The following WNT7A variants were observed in gnomAD, a reference collection of about 807,000 sequenced individuals.
WNT7A encodes the protein Wnt family member 7A, also known as protein Wnt-7a.
A neutral mutation model predicts 28.2 loss-of-function variants in WNT7A; 16 were observed. The ratio of observed to expected loss-of-function variants is 0.57; its 90% CI spans 0.38 to 0.86. The LOEUF (loss-of-function observed/expected upper bound fraction) is 0.86, where lower values mean the gene tolerates loss of function less well. Among genes scored for constraint, WNT7A ranks in the 40% least tolerant of loss-of-function variants. WNT7A has a pLI of 0.00. For missense variants in WNT7A, 411 were observed against 489.7 expected (o/e 0.84, Z 1.52); for synonymous variants, 190 against 195.9 (o/e 0.97, Z 0.25).
At chr3:13,841,504 A>C (rs890176692) in intron 3 of WNT7A, among the ~76,000 whole-genome samples, 2 of 152,230 alleles carry the variant, frequency 1.3e-5, no homozygotes, top group African/African-American at 4.8e-5. Context: ...CATTTGTAAA[A>C]GGGAGACAAT....
chr3:13,874,883 T>G, intron 2 of WNT7A, 64 bp downstream of exon 2: 1 of 1,538,984 alleles, frequency 6.5e-7, no homozygotes, highest in Non-Finnish European at 8.9e-7. Flanking sequence ...AGAGGGCACC[T>G]GAGGGTATTC....
At chr3:13,833,901 C>G (rs564585008) in intron 3 of WNT7A, among the ~76,000 whole-genome samples, 5 of 152,330 alleles carry the variant, frequency 3.3e-5, no homozygotes, top group Admixed American at 1.3e-4. Context: ...AATCCCTTCC[C>G]TGGCCAGGCG....
chr3:13,869,925 C>G (rs555986195), intron 2 of WNT7A, among the ~76,000 whole-genome samples: 1 of 152,128 alleles, frequency 6.6e-6, no homozygotes, highest in East Asian at 1.9e-4. Flanking sequence ...GGCTGCAGGC[C>G]CCTGCTCATT....
intron 2 of WNT7A, among the ~76,000 whole-genome samples, chr3:13,864,989 A>T (rs967728943): frequency 2.6e-5 from 4 of 152,190 alleles, no homozygotes; most frequent in Non-Finnish European, 5.9e-5. Context: ...TTGGGGAAAG[A>T]TATGGAAATT....
intron 3 of WNT7A, among the ~76,000 whole-genome samples, chr3:13,834,390 C>A (rs914331003): frequency 6.6e-6 from 1 of 152,016 alleles, no homozygotes. Flanking sequence ...GGGTCGGGTG[C>A]ACACTGGAGG....
chr3:13,873,121 C>A (rs146121741), intron 2 of WNT7A, among the ~76,000 whole-genome samples: 1 of 152,082 alleles, frequency 6.6e-6, no homozygotes, highest in Non-Finnish European at 1.5e-5. Flanking sequence ...ACTGGAGTCT[C>A]AGTGTTGATG....
chr3:13,866,537 G>A (rs1228906182), intron 2 of WNT7A, among the ~76,000 whole-genome samples: 5 of 152,314 alleles, frequency 3.3e-5, no homozygotes, highest in South Asian at 2.1e-4. Flanking sequence ...CAGTGAGAGC[G>A]GACAAGGACA....
At chr3:13,862,013 C>A (rs189354717) in intron 2 of WNT7A, among the ~76,000 whole-genome samples, 2 of 152,296 alleles carry the variant, frequency 1.3e-5, no homozygotes, top group East Asian at 3.9e-4. Flanking sequence ...TCAGATAAGA[C>A]AAAACCCGTC....
intron 3 of WNT7A, among the ~76,000 whole-genome samples, chr3:13,840,829 A>G (rs928755260): frequency 1.2e-4 from 19 of 152,110 alleles, no homozygotes; most frequent in Admixed American, 5.2e-4. Flanking sequence ...CCATCCATCT[A>G]TATATCCATC....
chr3:13,867,182 G>A (rs1694924571), intron 2 of WNT7A, among the ~76,000 whole-genome samples: 1 of 152,136 alleles, frequency 6.6e-6, no homozygotes, highest in Non-Finnish European at 1.5e-5. Context: ...AGCAAGGTGG[G>A]TGTGTGGCTC....
At chr3:13,827,332 T>G (rs1196350989) in intron 3 of WNT7A, among the ~76,000 whole-genome samples, 1 of 152,226 alleles carries the variant, frequency 6.6e-6, no homozygotes, top group Non-Finnish European at 1.5e-5. Flanking sequence ...CAGAGCCTCC[T>G]CTGCCTGCCA....
chr3:13,822,091 C>T (rs1004815398), intron 3 of WNT7A, among the ~76,000 whole-genome samples: 33 of 152,266 alleles, frequency 2.2e-4, no homozygotes, highest in East Asian at 9.6e-4. Context: ...CAAGTGTCGG[C>T]GAGGGTGTGG....
At chr3:13,872,587 T>A (rs1490311653) in intron 2 of WNT7A, among the ~76,000 whole-genome samples, 2 of 152,130 alleles carry the variant, frequency 1.3e-5, no homozygotes, top group African/African-American at 4.8e-5. Context: ...GCACCTCTCT[T>A]TGCTGGAATT....
At chr3:13,858,133 A>AC (rs1425279328) in intron 2 of WNT7A, among the ~76,000 whole-genome samples, 1 of 152,192 alleles carries the variant, frequency 6.6e-6, no homozygotes, top group Non-Finnish European at 1.5e-5. Context: ...GCCTCTGGGC[A>AC]CCCCATGTAG....
chr3:13,827,453 G>C (rs1231228754), intron 3 of WNT7A, among the ~76,000 whole-genome samples: 2 of 152,196 alleles, frequency 1.3e-5, no homozygotes, highest in Non-Finnish European at 2.9e-5. Flanking sequence ...CAATGTACCA[G>C]GTGCTGCCCA....
chr3:13,819,496 C>G (rs1287986334), intron 3 of WNT7A, 73 bp from the exon 4 acceptor site: 7 of 1,519,186 alleles, frequency 4.6e-6, no homozygotes, highest in Non-Finnish European at 6.2e-6. Flanking sequence ...CCCAGCTCCC[C>G]CCCGCCCCCC....
At chr3:13,859,103 C>T (rs772784614) in intron 2 of WNT7A, among the ~76,000 whole-genome samples, 8 of 152,288 alleles carry the variant, frequency 5.3e-5, no homozygotes, top group East Asian at 1.9e-4. Context: ...TCAGCCGTTG[C>T]GTTGTAGTTT....
intron 3 of WNT7A, among the ~76,000 whole-genome samples, chr3:13,852,540 C>G (rs553182483): frequency 6.6e-6 from 1 of 152,184 alleles, no homozygotes. Flanking sequence ...TAGTCCCAAT[C>G]GACAGATGTG....
At chr3:13,868,829 AG>A (rs1186190971) in intron 2 of WNT7A, among the ~76,000 whole-genome samples, 2 of 21,456 alleles carry the variant, frequency 9.3e-5, no homozygotes, top group African/African-American at 4.9e-4. Context: ...AGAGAGAAAG[AG>A]AGAAAGAGAG....
Sources: gnomAD v4.1 joint callset for allele counts (sites outside exome capture counted in the v4.1 genomes callset) on GRCh38, gnomAD v4.1.1 for gene constraint, MANE v1.5 for transcripts, NCBI Gene and HGNC (gene_info 2026-07-23, HGNC 2026-07-21) for gene names.